The following PFKP variants were observed in gnomAD, a reference collection of about 807,000 sequenced individuals.
The protein encoded by PFKP is phosphofructokinase, platelet.
A neutral mutation model predicts 94.3 loss-of-function variants in PFKP; 101 were observed. That is an observed-to-expected ratio of 1.07 (90% CI 0.91 to 1.26). The LOEUF (loss-of-function observed/expected upper bound fraction) is 1.26. PFKP is among the 50% of genes most tolerant of loss of function. The probability of loss-of-function intolerance (pLI) is 0.00; values close to 1 mark genes in which losing one functional copy is unlikely to be tolerated. For synonymous variants in PFKP, 573 were observed against 432.6 expected, an observed-to-expected ratio of 1.32 and a Z score of -4.03; for missense variants, 1,145 against 1,103.3, an observed-to-expected ratio of 1.04 and a Z score of -0.53.
At chr10:3,121,170 C>T (rs1215567699) in intron 16 of PFKP, among the ~76,000 whole-genome samples, 2 of 152,204 alleles carry the variant, frequency 1.3e-5, no homozygotes, top group Non-Finnish European at 2.9e-5. Flanking sequence ...GCGAAGGAAA[C>T]CTGCCCAGGT....
At position 3,115,377 on chromosome 10, in the gene PFKP, G is replaced by A. The variant is rs1217797506; in HGVS notation, c.1372-1399G>A. ...CTGGAGTGAAGGTGTGTGTCCCGCA[G>A]CTGAGAACAGGACTGGGGATGCCGG... On this transcript the variant is annotated intron_variant, in intron 13 of 21. Coordinates refer to ENST00000381125, the MANE Select transcript of PFKP (RefSeq NM_002627.5). Among the ~76,000 whole-genome samples the A allele has an allele frequency of 2.1e-3, 125 of 59,274 alleles. 17 individuals are homozygous for A. Among genetic ancestry groups the A allele is most frequent in the African/African-American group, 4.8e-3 (112 of 23,304 alleles). 38.9% of individuals were successfully genotyped at this position (59,274 alleles called of 152,430 possible). A position where few individuals can be genotyped will look rare whatever the true frequency, so the allele number is the denominator to read the frequency against.
intron 18 of PFKP, among the ~76,000 whole-genome samples, chr10:3,132,808 G>C (rs924736250): frequency 6.6e-6 from 1 of 152,132 alleles, no homozygotes; most frequent in African/African-American, 2.4e-5. Context: ...TATACACGAG[G>C]TTGCTTCCAT....
intron 2 of PFKP, among the ~76,000 whole-genome samples, chr10:3,091,962 T>C (rs113829436): frequency 0.01 from 1,542 of 152,260 alleles, 27 homozygotes; most frequent in African/African-American, 0.035. Context: ...TGATTAAAAA[T>C]AACACATTCA....
At chr10:3,068,194 G>T (rs972244031) in intron 1 of PFKP, among the ~76,000 whole-genome samples, 11 of 152,128 alleles carry the variant, frequency 7.2e-5, no homozygotes, top group Middle Eastern at 3.4e-3. Flanking sequence ...CAACTCCGCC[G>T]CACGCCACCC....
At chr10:3,068,502 C>A in intron 1 of PFKP, 1 of 186,082 alleles carries the variant, frequency 5.4e-6, no homozygotes. Context: ...GATCAGGAAG[C>A]GGGGACTCCG....
At chr10:3,125,021 G>A (rs2131673824) in intron 16 of PFKP, 2 of 1,102,946 alleles carry the variant, frequency 1.8e-6, no homozygotes, top group South Asian at 2.0e-5. Context: ...GTCCCTTCCT[G>A]GACCTCAGCA....
At chr10:3,069,168 G>A in intron 1 of PFKP, 1 of 1,112,356 alleles carries the variant, frequency 9.0e-7, no homozygotes, top group South Asian at 3.9e-5. Context: ...AGACCCGGGT[G>A]GCAGCGCCAG....
At chr10:3,109,143 A>T (rs796759307) in intron 9 of PFKP, among the ~76,000 whole-genome samples, 2 of 151,878 alleles carry the variant, frequency 1.3e-5, no homozygotes, top group African/African-American at 4.8e-5. Context: ...AGTTCTTAAC[A>T]CTCCTGCTCT....
chr10:3,135,238 A>AT (rs1389704220), intron 20 of PFKP, among the ~76,000 whole-genome samples: 10 of 151,344 alleles, frequency 6.6e-5, no homozygotes, highest in Non-Finnish European at 1.5e-4. Context: ...GTGTGCTTTT[A>AT]TTCCGGCAAA....
At chr10:3,089,002 G>T (rs542748170) in intron 2 of PFKP, among the ~76,000 whole-genome samples, 1 of 151,980 alleles carries the variant, frequency 6.6e-6, no homozygotes, top group South Asian at 2.1e-4. Context: ...CCCAGTCTTC[G>T]CTCACTGCAA....
At chr10:3,093,879 G>A (rs766001357) in intron 2 of PFKP, among the ~76,000 whole-genome samples, 23 of 152,232 alleles carry the variant, frequency 1.5e-4, no homozygotes, top group East Asian at 7.7e-4. Context: ...TCCTGACCTT[G>A]TGATCCGCCC....
At chr10:3,081,977 C>CTTTTTTTTTTTTTTTTTTTTTTTTTTTT (rs547880338) in intron 1 of PFKP, among the ~76,000 whole-genome samples, 1 of 68,440 alleles carries the variant, frequency 1.5e-5, no homozygotes, top group African/African-American at 6.7e-5. Flanking sequence ...AGCCCATTGC[C>CTTTTTTTTTTTTTTTTTTTTTTTTTTTT]TTTTTTTTTT....
rs565415445 is a variant in PFKP at position 3,132,012 on chromosome 10, A to AGG, written c.1849-367_1849-366dup. Reference sequence around the variant, plus strand: ...ACATGAGATTCCATAGAAAGGCCACAGGTCACTCTTTCCTCTGAGAGCACC... The same window carrying AGG: ...ACATGAGATTCCATAGAAAGGCCACAGGGGTCACTCTTTCCTCTGAGAGCACC... On this transcript the variant is annotated intron_variant, in intron 17 of 21. Coordinates refer to ENST00000381125, the MANE Select transcript of PFKP (RefSeq NM_002627.5). 1.9e-4 allele frequency among the ~76,000 whole-genome samples: 29 copies of AGG among 152,290 alleles called. 1 individual carries two copies. The East Asian group carries it at 5.6e-3, about 29-fold the overall frequency.
chr10:3,077,121 G>A (rs1041021924), intron 1 of PFKP, among the ~76,000 whole-genome samples: 2 of 152,104 alleles, frequency 1.3e-5, no homozygotes, highest in Admixed American at 6.5e-5. Flanking sequence ...GATCAGGAGT[G>A]TGGGAAAATT....
chr10:3,108,656 T>C (rs1835866020), intron 8 of PFKP, 45 bp from the exon 9 acceptor site: 1 of 1,434,014 alleles, frequency 7.0e-7, no homozygotes. Flanking sequence ...TGGGCTGCTG[T>C]GTCCGCATCA....
rs530796167 is a variant in PFKP, at chr10:3,110,239, C to T, written c.1089+759C>T. On this transcript the variant is annotated intron_variant, in intron 10 of 21. Coordinates refer to ENST00000381125, the MANE Select transcript of PFKP (RefSeq NM_002627.5). ...ATTTAGAGACGGAGTCTCACTGTTGCCCAGGCTAGAGTGCAGTGGCGTGAT... is the reference window on the plus strand; with the variant it reads ...ATTTAGAGACGGAGTCTCACTGTTGTCCAGGCTAGAGTGCAGTGGCGTGAT... 1.3e-4 allele frequency among the ~76,000 whole-genome samples: 20 copies of T among 152,218 alleles called. No individual in the cohort carries two copies. The South Asian group carries it at 3.7e-3, about 28-fold the overall frequency.
intron 2 of PFKP, 65 bp from the exon 3 acceptor site, chr10:3,099,210 T>G: frequency 7.9e-7 from 1 of 1,261,686 alleles, no homozygotes; most frequent in South Asian, 1.2e-5. Flanking sequence ...TTATATAATT[T>G]AAGGATCACT....
At chr10:3,134,177 AAGCTGTGACCCATCCCC>A (rs1226615594) in intron 19 of PFKP, among the ~76,000 whole-genome samples, 1 of 152,240 alleles carries the variant, frequency 6.6e-6, no homozygotes, top group East Asian at 1.9e-4. Flanking sequence ...TATCAGATTA[AAGCTGTGACCCATCCCC>A]AGCTCAGATG....
chr10:3,092,687 TG>T (rs5782681), intron 2 of PFKP, among the ~76,000 whole-genome samples: 91,940 of 152,034 alleles, frequency 0.6, 30,201 homozygotes, highest in Non-Finnish European at 0.75. Flanking sequence ...TGAAAAAATA[TG>T]GGGGAAAAAA....
Sources: allele counts gnomAD v4.1 joint callset (sites outside exome capture counted in the v4.1 genomes callset), GRCh38; gene constraint gnomAD v4.1.1; transcripts MANE v1.5; gene names NCBI Gene and HGNC (gene_info 2026-07-23, HGNC 2026-07-21).